The following HS6ST3 variants were observed in gnomAD, a reference collection of about 807,000 sequenced individuals.
HS6ST3 encodes heparan-sulfate 6-O-sulfotransferase 3.
HS6ST3 carries 12 observed loss-of-function variants against 36.7 expected under a neutral mutation model. That is an observed-to-expected ratio of 0.33 (90% CI 0.21 to 0.53). HS6ST3 has a LOEUF of 0.53. HS6ST3 is among the 20% of genes least tolerant of loss of function. HS6ST3 has a pLI of 0.95. For synonymous variants in HS6ST3, 240 were observed against 257.5 expected, an observed-to-expected ratio of 0.93 and a Z score of 0.65; for missense variants, 584 against 640.9, an observed-to-expected ratio of 0.91 and a Z score of 0.96.
At position 96,435,083 on chromosome 13, in the gene HS6ST3, A is replaced by G. The variant is rs535060190; in HGVS notation, c.707+343514A>G. Among the ~76,000 whole-genome samples the G allele has an allele frequency of 1.6e-4, 24 of 152,172 alleles. 1 individual carries two copies. The South Asian group carries it at 4.6e-3, about 29-fold the overall frequency. ...ATTTTCTCTTTTCCTGAGGGTGACA[A>G]TATTCAGTGCTAAAAAATTCCTTGA... On this transcript the variant is annotated intron_variant, in intron 1 of 1. Transcript: ENST00000376705.
At chr13:96,366,497 A>G (rs565111476) in intron 1 of HS6ST3, among the ~76,000 whole-genome samples, 1 of 151,866 alleles carries the variant, frequency 6.6e-6, no homozygotes, top group South Asian at 2.1e-4. Flanking sequence ...TCATCTGGGG[A>G]TCATGTAAGG....
intron 1 of HS6ST3, among the ~76,000 whole-genome samples, chr13:96,828,505 A>G (rs557166968): frequency 3.9e-5 from 6 of 152,260 alleles, no homozygotes; most frequent in Admixed American, 3.9e-4. Context: ...CTTTCTTATA[A>G]TATAGTGACT....
In HS6ST3 at chr13:96,536,931, A is replaced by T. The variant is rs191244025; in HGVS notation, c.708-295559A>T. Among the ~76,000 whole-genome samples, 41 of 152,256 alleles carry T rather than the reference A, an allele frequency of 2.7e-4. No homozygotes were observed. In the East Asian group the frequency reaches 7.7e-3, roughly 29 times the overall value. On this transcript the variant is annotated intron_variant, in intron 1 of 1. Transcript: ENST00000376705. ...AGGTGGTCCATTTTAGCCTCTTCTC[A>T]TTTGAATAGTCATTATTTAAACATT... is the stretch of plus-strand genomic sequence containing the variant.
At chr13:96,543,393 G>A (rs889550775) in intron 1 of HS6ST3, among the ~76,000 whole-genome samples, 4 of 152,172 alleles carry the variant, frequency 2.6e-5, no homozygotes, top group African/African-American at 9.7e-5. Context: ...AGAGCAGTCA[G>A]AAGACACATT....
chr13:96,419,910 C>A (rs760845846), intron 1 of HS6ST3, among the ~76,000 whole-genome samples: 8 of 152,128 alleles, frequency 5.3e-5, no homozygotes, highest in Admixed American at 5.2e-4. Context: ...ATTGCACCTG[C>A]AAAGACTCTA....
At chr13:96,304,711 C>CTTTCTTTCTTT (rs766397124) in intron 1 of HS6ST3, among the ~76,000 whole-genome samples, 18 of 89,336 alleles carry the variant, frequency 2.0e-4, no homozygotes, top group African/African-American at 4.4e-4. Flanking sequence ...TTCTTTCTTT[C>CTTTCTTTCTTT]TTTTTTTTTT....
intron 1 of HS6ST3, among the ~76,000 whole-genome samples, chr13:96,218,678 G>A (rs1056977274): frequency 6.6e-6 from 1 of 152,120 alleles, no homozygotes; most frequent in Non-Finnish European, 1.5e-5. Context: ...GGTATGTGCT[G>A]AAGGGCTGGG....
Position 96,488,600 on chromosome 13 carries a change from C to T in HS6ST3, c.708-343890C>T, listed in dbSNP as rs548738069. Among the ~76,000 whole-genome samples the T allele has an allele frequency of 9.2e-5, 14 of 152,080 alleles. No individual in the cohort carries two copies. The South Asian group carries it at 1.0e-3, about 11-fold the overall frequency. ...AGCTGCTTTTGTTGTCTAGTTTTTT[C>T]GCCCTAAAGTGGTTGGCTGTTTATG... On this transcript the variant is annotated intron_variant, in intron 1 of 1. Coordinates refer to ENST00000376705, the MANE Select transcript of HS6ST3 (RefSeq NM_153456.4).
chr13:96,508,655 C>T (rs1352088116), intron 1 of HS6ST3, among the ~76,000 whole-genome samples: 1 of 152,066 alleles, frequency 6.6e-6, no homozygotes, highest in Non-Finnish European at 1.5e-5. Flanking sequence ...TGTATTACTT[C>T]ACTTAGAATA....
intron 1 of HS6ST3, among the ~76,000 whole-genome samples, chr13:96,508,963 C>A (rs993406709): frequency 2.0e-5 from 3 of 152,102 alleles, no homozygotes; most frequent in East Asian, 1.9e-4. Flanking sequence ...AATTTATATT[C>A]CTACCAGTAG....
chr13:96,198,116 G>A (rs1003981061), intron 1 of HS6ST3, among the ~76,000 whole-genome samples: 2 of 152,210 alleles, frequency 1.3e-5, no homozygotes, highest in African/African-American at 4.8e-5. Context: ...AGCTGCCAAG[G>A]CTCGGGGCTT....
intron 1 of HS6ST3, among the ~76,000 whole-genome samples, chr13:96,289,637 A>G (rs2139398162): frequency 6.6e-6 from 1 of 152,358 alleles, no homozygotes; most frequent in African/African-American, 2.4e-5. Flanking sequence ...ACCTGTATTA[A>G]CACACAGGTT....
chr13:96,508,154 A>T (rs2056034170), intron 1 of HS6ST3, among the ~76,000 whole-genome samples: 1 of 152,078 alleles, frequency 6.6e-6, no homozygotes, highest in Admixed American at 6.6e-5. Context: ...TTATGTTGTC[A>T]TAGCTTATAA....
chr13:96,218,609 A>C (rs1244588481), intron 1 of HS6ST3, among the ~76,000 whole-genome samples: 1 of 152,184 alleles, frequency 6.6e-6, no homozygotes, highest in Non-Finnish European at 1.5e-5. Flanking sequence ...TAAGCCAGTA[A>C]GTGGCCAGAG....
At chr13:96,656,994 TGTGTGAGA>T in intron 1 of HS6ST3, among the ~76,000 whole-genome samples, 1 of 135,512 alleles carries the variant, frequency 7.4e-6, no homozygotes, top group Admixed American at 7.5e-5. Flanking sequence ...TGTGTGTGTG[TGTGTGAGA>T]GAGAGAGAGA....
intron 1 of HS6ST3, among the ~76,000 whole-genome samples, chr13:96,376,679 C>G (rs1338333698): frequency 6.6e-6 from 1 of 152,160 alleles, no homozygotes; most frequent in Non-Finnish European, 1.5e-5. Context: ...AGCTTCTCAT[C>G]TATAAAATGG....
chr13:96,506,457 T>G (rs2056026979), intron 1 of HS6ST3, among the ~76,000 whole-genome samples: 1 of 152,180 alleles, frequency 6.6e-6, no homozygotes, highest in Admixed American at 6.6e-5. Flanking sequence ...GTGGGGAAAC[T>G]TCCCATGAAG....
chr13:96,368,113 C>T (rs560028057), intron 1 of HS6ST3, among the ~76,000 whole-genome samples: 4 of 152,284 alleles, frequency 2.6e-5, no homozygotes, highest in South Asian at 4.1e-4. Context: ...TTGCTGGGAA[C>T]GCCTTTATTG....
chr13:96,414,593 C>T (rs942796532), intron 1 of HS6ST3, among the ~76,000 whole-genome samples: 1 of 152,090 alleles, frequency 6.6e-6, no homozygotes, highest in African/African-American at 2.4e-5. Context: ...AGTGATTCTC[C>T]TGCCTCAGCC....
Sources: gnomAD v4.1 joint callset for allele counts (sites outside exome capture counted in the v4.1 genomes callset) on GRCh38, gnomAD v4.1.1 for gene constraint, MANE v1.5 for transcripts, NCBI Gene and HGNC (gene_info 2026-07-23, HGNC 2026-07-21) for gene names.